DSG4: variants seen among roughly 807,000 people sequenced by gnomAD.
DSG4 encodes desmoglein 4.
Under a neutral mutation model 93.1 loss-of-function variants are expected in DSG4, and 87 were observed. That is an observed-to-expected ratio of 0.93 (90% CI 0.79 to 1.12). The LOEUF (loss-of-function observed/expected upper bound fraction) is 1.12, where lower values mean the gene tolerates loss of function less well. Among genes scored for constraint, DSG4 ranks in the 50% most tolerant of loss-of-function variants. DSG4 has a pLI of 0.00. For missense variants in DSG4, 1,373 were observed against 1,285.7 expected, an observed-to-expected ratio of 1.07 and a Z score of -1.04; for synonymous variants, 432 against 452.9, an observed-to-expected ratio of 0.95 and a Z score of 0.59.
Position 31,411,421 on chromosome 18 carries a change from G to T in DSG4, c.2328G>T (p.Met776Ile). Residue 776 changes from methionine (M) to isoleucine (I), a missense_variant, in exon 15 of 16, where the codon ATG (methionine) becomes ATT (isoleucine). Met to Ile is a conservative substitution (Grantham distance 10). Coordinates refer to ENST00000308128, the MANE Select transcript of DSG4 (RefSeq NM_177986.5). ...LRDYADADINMAFLDSYFSEK... is the reference protein window; with the variant it reads ...LRDYADADINIAFLDSYFSEK... The stretch of plus-strand genomic sequence containing the variant: ...ACTACGCTGACGCAGACATCAACAT[G>T]GCTTTCTTGGACAGCTACTTCTCGG... 6.2e-7 allele frequency: 1 copy of T among 1,614,030 alleles called. No individual in the cohort carries two copies. Among genetic ancestry groups the T allele is most frequent in the East Asian group, 2.2e-5 (1 of 44,880 alleles).
rs375158802 is a variant in DSG4, at chr18:31,412,812, T to G, written c.2356-16T>G. The G allele has an allele frequency of 1.2e-6, 2 of 1,613,822 alleles. No individual in the cohort carries two copies. Among genetic ancestry groups the G allele is most frequent in the African/African-American group, 2.7e-5 (2 of 74,930 alleles). ...GAAAAAGAAATTTCTAATTCTGTATTTCCTTTTAATTTTAGAAAGCGTATG... is the reference window on the plus strand; with the variant it reads ...GAAAAAGAAATTTCTAATTCTGTATGTCCTTTTAATTTTAGAAAGCGTATG... On this transcript the variant is annotated splice_polypyrimidine_tract_variant and intron_variant, in intron 15 of 15. Coordinates refer to ENST00000308128, the MANE Select transcript of DSG4 (RefSeq NM_177986.5).
chr18:31,404,404 G>A (rs940313285), intron 11 of DSG4, among the ~76,000 whole-genome samples: 4 of 152,112 alleles, frequency 2.6e-5, no homozygotes, highest in East Asian at 3.8e-4. Context: ...TCTACCTTGC[G>A]TTCTTTTTCC....
chr18:31,391,335 T>C, intron 7 of DSG4, 123 bp downstream of exon 7: 1 of 1,371,548 alleles, frequency 7.3e-7, no homozygotes, highest in Admixed American at 1.8e-5. Context: ...ATACTCAACT[T>C]TGTTATAGAA....
intron 1 of DSG4, among the ~76,000 whole-genome samples, chr18:31,378,221 A>G (rs1456013035): frequency 1.3e-5 from 2 of 152,202 alleles, no homozygotes; most frequent in African/African-American, 2.4e-5. Context: ...ACGAAGGGCA[A>G]TATTCTGTTA....
In DSG4 at chr18:31,401,008, C is replaced by T; in HGVS notation, c.1405C>T (p.Leu469=). 6.2e-7 allele frequency: 1 copy of T among 1,602,050 alleles called. No individual in the cohort carries two copies. Residue 469 remains leucine (L), a synonymous_variant, in exon 10 of 16, where the codon CTG becomes TTG. Transcript: ENST00000308128. ...CAATGGGATATACACAGCAGAGATC[C>T]TGGCTATAGATGGTAAGAAAATTTA... ...IINGIYTAEI[L]AIDDGSGKTA... is the part of the protein sequence containing the mutation.
In DSG4 at chr18:31,413,835, T is replaced by C. The variant is rs2072527143; in HGVS notation, c.*240T>C. The C allele has an allele frequency of 2.1e-6, 1 of 484,502 alleles. No homozygotes were observed. Among genetic ancestry groups the C allele is most frequent in the Non-Finnish European group, 3.7e-6 (1 of 268,294 alleles). 30.0% of individuals were successfully genotyped at this position (484,502 alleles called of 1,614,324 possible). A position where few individuals can be genotyped will look rare whatever the true frequency, so the allele number is the denominator to read the frequency against. On this transcript the variant is annotated 3_prime_UTR_variant, in exon 16 of 16. Transcript: ENST00000308128. ...CGTCAAAAAATGTGCAGAAAATGTA[T>C]TGCATCCCTTGATACTGTCTAACGA...
At chr18:31,387,648 T>A (rs139240450) in intron 3 of DSG4, among the ~76,000 whole-genome samples, 4 of 152,272 alleles carry the variant, frequency 2.6e-5, no homozygotes, top group African/African-American at 9.6e-5. Context: ...AAAAGGGCCT[T>A]TGGATTAGAG....
chr18:31,413,377 C>G lies in DSG4; in HGVS notation c.2905C>G (p.Leu969Val), dbSNP rs1402306471. The change falls in exon 16 of 16, where the codon CTG becomes GTG. Residue 969 changes from leucine (L) to valine (V), a missense_variant. Coordinates refer to ENST00000308128, the MANE Select transcript of DSG4 (RefSeq NM_177986.5). ...CAATGTAATCTATGCTGAGAGAGTA[C>G]TGGCTAGTCCTGGTGTGCCTGACAT... is the stretch of plus-strand genomic sequence containing the variant. Reference protein sequence around the residue: ...YNNVIYAERVLASPGVPDMSN... With the variant: ...YNNVIYAERVVASPGVPDMSN... 1 of 1,614,154 alleles carries G rather than the reference C, an allele frequency of 6.2e-7. No individual in the cohort carries two copies. Among genetic ancestry groups the G allele is most frequent in the Non-Finnish European group, 8.5e-7 (1 of 1,180,040 alleles).
intron 2 of DSG4, among the ~76,000 whole-genome samples, chr18:31,386,029 A>G (rs937510689): frequency 1.3e-5 from 2 of 152,182 alleles, no homozygotes; most frequent in Non-Finnish European, 2.9e-5. Flanking sequence ...CAATAGCAGC[A>G]ACTTAAGGCT....
In DSG4 at chr18:31,384,703, C is replaced by A. The variant is rs149745496; in HGVS notation, c.49-433C>A. 5.0e-3 allele frequency among the ~76,000 whole-genome samples: 756 copies of A among 152,266 alleles called. 7 individuals carry two copies. Among genetic ancestry groups the A allele is most frequent in the South Asian group, 0.013 (64 of 4,818 alleles). Reference sequence around the variant, plus strand: ...TACCTTCCAGCAAAAATATTATTGACCGTTTCTGGAACATCCGCTGACTTA... The same window carrying A: ...TACCTTCCAGCAAAAATATTATTGAACGTTTCTGGAACATCCGCTGACTTA... On this transcript the variant is annotated intron_variant, in intron 1 of 15. Coordinates refer to ENST00000308128, the MANE Select transcript of DSG4 (RefSeq NM_177986.5).
intron 8 of DSG4, among the ~76,000 whole-genome samples, chr18:31,398,819 A>G (rs768301417): frequency 6.6e-6 from 1 of 152,164 alleles, no homozygotes; most frequent in African/African-American, 2.4e-5. Context: ...GTGACATCAT[A>G]TATATTAGCA....
At chr18:31,378,257 T>A (rs934866473) in intron 1 of DSG4, among the ~76,000 whole-genome samples, 1 of 152,328 alleles carries the variant, frequency 6.6e-6, no homozygotes, top group Admixed American at 6.5e-5. Context: ...ATTTACTAAA[T>A]AAAATAAATG....
At position 31,382,642 on chromosome 18, in the gene DSG4, G is replaced by A. The variant is rs553015495; in HGVS notation, c.49-2494G>A. On this transcript the variant is annotated intron_variant, in intron 1 of 15. Coordinates refer to ENST00000308128, the MANE Select transcript of DSG4 (RefSeq NM_177986.5). ...CTGATGGGGCTTATGATTTCATAGG[G>A]CCTGGGAGTAATACCTGGCAAGTTC... is the stretch of plus-strand genomic sequence containing the variant. Among the ~76,000 whole-genome samples the A allele has an allele frequency of 3.0e-4, 46 of 152,210 alleles. No homozygotes were observed. The South Asian group carries it at 4.1e-3, about 14-fold the overall frequency.
At chr18:31,411,187 G>A in intron 14 of DSG4, 44 bp from the exon 15 acceptor site, 1 of 1,614,256 alleles carries the variant, frequency 6.2e-7, no homozygotes, top group South Asian at 1.1e-5. Flanking sequence ...GATGCGCGCT[G>A]CAGGCAACTC....
rs557310052 is a variant in DSG4 at position 31,387,078 on chromosome 18, G to C, written c.216+259G>C. Among the ~76,000 whole-genome samples the C allele has an allele frequency of 1.2e-4, 18 of 152,206 alleles. No individual in the cohort carries two copies. In the South Asian group the frequency reaches 3.7e-3, roughly 32 times the overall value. ...GGCTTTGTTCATCCATTTGTGTACT[G>C]CTCATTATTGCCTGTCAATGTCATA... On this transcript the variant is annotated intron_variant, in intron 3 of 15. Coordinates refer to ENST00000308128, the MANE Select transcript of DSG4 (RefSeq NM_177986.5).
intron 8 of DSG4, among the ~76,000 whole-genome samples, chr18:31,395,498 C>A (rs1022793093): frequency 2.6e-5 from 4 of 152,010 alleles, no homozygotes; most frequent in African/African-American, 9.7e-5. Context: ...GCCAAAAGAA[C>A]TATTTTAGAG....
In DSG4 at chr18:31,413,466, G is replaced by A; in HGVS notation, c.2994G>A (p.Gly998=). Residue 998 remains glycine (G), a synonymous_variant, in exon 16 of 16, where the codon GGG becomes GGA. Transcript: ENST00000308128. ...TGATGAGCGGCAATATTTTAGTAGG[G>A]CCAGAAATTCAAGTGATGCAAATGA... ...GPVMSGNILV[G]PEIQVMQMMS... is the part of the protein sequence containing the mutation. The A allele has an allele frequency of 6.2e-7, 1 of 1,612,024 alleles. No individual in the cohort carries two copies. Among genetic ancestry groups the A allele is most frequent in the Non-Finnish European group, 8.5e-7 (1 of 1,178,358 alleles).
chr18:31,400,718 T>C (rs1028868676), intron 9 of DSG4, among the ~76,000 whole-genome samples, 163 bp from the exon 10 acceptor site: 1 of 152,154 alleles, frequency 6.6e-6, no homozygotes, highest in Admixed American at 6.6e-5. Flanking sequence ...GTATATATCA[T>C]TGAATTTTTA....
In DSG4 at chr18:31,402,719, C is replaced by T. The variant is rs73953139; in HGVS notation, c.1418-697C>T. Among the ~76,000 whole-genome samples, 678 of 152,160 alleles carry T rather than the reference C, an allele frequency of 4.5e-3. 5 individuals are homozygous for T. Among genetic ancestry groups the T allele is most frequent in the African/African-American group, 0.015 (637 of 41,514 alleles). On this transcript the variant is annotated intron_variant, in intron 10 of 15. Transcript: ENST00000308128. ...AGTTAAAAAGAAGCAAAAAAAATTC[C>T]GTATTCGCTGTAACAGAACATAGAG...
Sources: allele counts gnomAD v4.1 joint callset (sites outside exome capture counted in the v4.1 genomes callset), GRCh38; gene constraint gnomAD v4.1.1; transcripts MANE v1.5; gene names NCBI Gene and HGNC (gene_info 2026-07-23, HGNC 2026-07-21).